Variants in TBC1D10C observed in about 807,000 individuals in gnomAD.
TBC1D10C encodes the protein TBC1 domain family member 10C.
TBC1D10C carries 49 observed loss-of-function variants against 51.0 expected under a neutral mutation model. The observed-to-expected ratio is 0.96, with a 90% confidence interval of 0.76 to 1.22. TBC1D10C has a LOEUF of 1.22. TBC1D10C is among the 50% of genes most tolerant of loss of function. The probability of loss-of-function intolerance (pLI) is 0.00; values close to 1 mark genes in which losing one functional copy is unlikely to be tolerated. For missense variants in TBC1D10C, 541 were observed against 617.5 expected, an observed-to-expected ratio of 0.88 and a Z score of 1.31; for synonymous variants, 281 against 266.7, an observed-to-expected ratio of 1.05 and a Z score of -0.52.
chr11:67,404,301 A>G lies in TBC1D10C; in HGVS notation c.99A>G (p.Pro33=), dbSNP rs1565125329. 5 of 1,600,546 alleles carry G rather than the reference A, an allele frequency of 3.1e-6. No homozygotes were observed. The highest frequency in any genetic ancestry group is 4.3e-6 in the Non-Finnish European group (5 of 1,170,798). Residue 33 remains proline (P), a synonymous_variant, in exon 1 of 9, where the codon CCA becomes CCG. Transcript: ENST00000542590. The part of the protein sequence containing the change: ...GSDSELSGPG[P]YRQADRYGFI... ...ACTCAGAGCTCAGCGGGCCTGGCCC[A>G]TATCGCCAGGCCGACCGCTATGGAT...
chr11:67,405,296 C>T (rs1451361846), intron 2 of TBC1D10C, 103 bp from the exon 3 acceptor site: 28 of 1,500,362 alleles, frequency 1.9e-5, no homozygotes, highest in South Asian at 1.6e-4. Flanking sequence ...GCCTTTGCTC[C>T]CTGCCACCCA....
chr11:67,406,266 CGACTCCT>C (rs926043757), intron 5 of TBC1D10C: 1 of 515,068 alleles, frequency 1.9e-6, no homozygotes, highest in African/African-American at 1.9e-5. Context: ...CTTGACCCCA[CGACTCCT>C]GATTCTGAAC....
intron 7 of TBC1D10C, 166 bp from the exon 8 acceptor site, chr11:67,408,813 A>G: frequency 1.2e-6 from 1 of 858,360 alleles, no homozygotes; most frequent in African/African-American, 1.8e-5. Flanking sequence ...TGGCCAGTAC[A>G]GCGGCCTGTG....
Position 67,409,677 on chromosome 11 carries a change from CG to C in TBC1D10C, c.1267del (p.Ala423ProfsTer131), listed in dbSNP as rs1554985596. 1 of 1,601,282 alleles carries C rather than the reference CG, an allele frequency of 6.2e-7. No individual in the cohort carries two copies. Among genetic ancestry groups the C allele is most frequent in the African/African-American group, 1.3e-5 (1 of 74,756 alleles). ...CAAGACTTTCCATGGGCTCCTGACT[CG>C]GGCCCGGGGCCCCCCCATCGAGGGG... ...RGKTFHGLLT[R>X]ARGPPIEGPP... On this transcript the variant is annotated frameshift_variant, in exon 9 of 9. Transcript: ENST00000542590. LOFTEE classifies it high-confidence loss of function.
intron 7 of TBC1D10C, chr11:67,408,719 G>A (rs1212237790): frequency 9.4e-6 from 4 of 425,330 alleles, no homozygotes; most frequent in East Asian, 4.1e-5. Flanking sequence ...TCATTTTGGC[G>A]GGGGTGGGGA....
At position 67,405,903 on chromosome 11, in the gene TBC1D10C, G is replaced by A; in HGVS notation, c.468G>A (p.Gly156=). ...CCCCTTATGGGGTCTTCCGGCACAG[G>A]CAGCAGGGGCTCCTGCAGGTGCTCA... is the stretch of plus-strand genomic sequence containing the variant. ...HEMFVSPQGH[G]QQGLLQVLKA... is the part of the protein sequence containing the mutation. Residue 156 remains glycine, a splice_region_variant and synonymous_variant, in exon 5 of 9, where the codon GGG becomes GGA. Coordinates refer to ENST00000542590, the MANE Select transcript of TBC1D10C (RefSeq NM_001369496.1). 1 of 1,588,268 alleles carries A rather than the reference G, an allele frequency of 6.3e-7. No individual in the cohort carries two copies. Among genetic ancestry groups the A allele is most frequent in the Non-Finnish European group, 8.6e-7 (1 of 1,168,186 alleles).
In TBC1D10C at chr11:67,405,969, G is replaced by C; in HGVS notation, c.534G>C (p.Gln178His). 6.2e-7 allele frequency: 1 copy of C among 1,605,868 alleles called. No homozygotes were observed. Among genetic ancestry groups the C allele is most frequent in the Admixed American group, 1.7e-5 (1 of 58,102 alleles). ...ATCGACCGGAGCAGGGCTACTGCCA[G>C]GCCCAGGGGCCCGTGGCTGCTGTGC... ...TLYRPEQGYC[Q>H]AQGPVAAVLL... Residue 178 changes from glutamine (Q) to histidine (H), a missense_variant, in exon 5 of 9, where the codon CAG (glutamine) becomes CAC (histidine). Coordinates refer to ENST00000542590, the MANE Select transcript of TBC1D10C (RefSeq NM_001369496.1).
rs749190788 is a variant in TBC1D10C, at chr11:67,407,017, G to A, written c.838+1G>A. On this transcript the variant is annotated splice_donor_variant, in intron 7 of 8. Coordinates refer to ENST00000542590, the MANE Select transcript of TBC1D10C (RefSeq NM_001369496.1). LOFTEE classifies it high-confidence loss of function. ...GTCTGGGATGCCTTCCTCAGTGAGG[G>A]TGAGTGGGGCAGCCAGTGGCTGGGG... 5 of 1,609,138 alleles carry A rather than the reference G, an allele frequency of 3.1e-6. No homozygotes were observed. Among genetic ancestry groups the A allele is most frequent in the Middle Eastern group, 1.8e-4 (1 of 5,670 alleles).
chr11:67,404,523 C>T (rs1165324956), intron 1 of TBC1D10C, among the ~76,000 whole-genome samples, 169 bp downstream of exon 1: 4 of 152,032 alleles, frequency 2.6e-5, no homozygotes, highest in South Asian at 2.1e-4. Context: ...GGGAAGGGTC[C>T]GGGGAGGCCT....
chr11:67,409,685 G>A lies in TBC1D10C; in HGVS notation c.1272G>A (p.Arg424=). ...TCCATGGGCTCCTGACTCGGGCCCG[G>A]GGCCCCCCCATCGAGGGGCCCCCCA... The part of the protein sequence containing the change: ...KTFHGLLTRA[R]GPPIEGPPRP... Residue 424 remains arginine, a synonymous_variant, in exon 9 of 9, where the codon CGG becomes CGA. Coordinates refer to ENST00000542590, the MANE Select transcript of TBC1D10C (RefSeq NM_001369496.1). 1 of 1,597,790 alleles carries A rather than the reference G, an allele frequency of 6.3e-7. No homozygotes were observed. Among genetic ancestry groups the A allele is most frequent in the Non-Finnish European group, 8.5e-7 (1 of 1,177,870 alleles).
At chr11:67,404,437 G>A in intron 1 of TBC1D10C, 83 bp downstream of exon 1, 1 of 1,406,148 alleles carries the variant, frequency 7.1e-7, no homozygotes, top group South Asian at 1.4e-5. Context: ...GAGGCCGGGA[G>A]GGTCTGGTGG....
rs945543187 is a variant in TBC1D10C at position 67,409,375 on chromosome 11, C to T, written c.994-32C>T. 20 of 1,535,876 alleles carry T rather than the reference C, an allele frequency of 1.3e-5. No homozygotes were observed. In the Admixed American group the frequency reaches 2.4e-4, roughly 18 times the overall value. The stretch of plus-strand genomic sequence containing the variant: ...CAGTTTCCTGTTCCTGCCTTGAGGC[C>T]GGGCAAACGCAGCACCAACTGCTCC... On this transcript the variant is annotated intron_variant, in intron 8 of 8. Coordinates refer to ENST00000542590, the MANE Select transcript of TBC1D10C (RefSeq NM_001369496.1).
intron 7 of TBC1D10C, 114 bp downstream of exon 7, chr11:67,407,130 A>G: frequency 8.1e-7 from 1 of 1,235,220 alleles, no homozygotes; most frequent in Non-Finnish European, 1.1e-6. Flanking sequence ...GGGTGTGCCG[A>G]AGGTGATGGC....
chr11:67,404,472 C>A, intron 1 of TBC1D10C, 118 bp downstream of exon 1: 1 of 1,102,690 alleles, frequency 9.1e-7, no homozygotes, highest in Non-Finnish European at 1.2e-6. Context: ...GGGACTCAGC[C>A]AGTAGCACCC....
chr11:67,406,604 C>T, intron 5 of TBC1D10C, 23 bp from the exon 6 acceptor site: 1 of 1,552,968 alleles, frequency 6.4e-7, no homozygotes. Context: ...CACTTACAGG[C>T]CTGTGCCCTG....
intron 7 of TBC1D10C, chr11:67,407,384 T>G: frequency 4.3e-6 from 1 of 234,608 alleles, no homozygotes; most frequent in Admixed American, 5.2e-5. Context: ...AGACCTTCAA[T>G]TCTGGCGGGG....
chr11:67,404,034 C>G (rs577713216), upstream of TBC1D10C: 11 of 787,932 alleles, frequency 1.4e-5, no homozygotes, highest in Non-Finnish European at 1.3e-5. Context: ...TCTGTCAGGG[C>G]AGGGCCTAGC....
Position 67,404,170 on chromosome 11 carries a change from T to C in TBC1D10C, c.-33T>C. On this transcript the variant is annotated 5_prime_UTR_variant, in exon 1 of 9. Coordinates refer to ENST00000542590, the MANE Select transcript of TBC1D10C (RefSeq NM_001369496.1). ...CCCCTCACACTGGTTCTCCCCACTT[T>C]CTCTGCCTGTGGCATCGAAGGCCCC... 1 of 1,469,696 alleles carries C rather than the reference T, an allele frequency of 6.8e-7. No homozygotes were observed. 91.0% of individuals were successfully genotyped at this position (1,469,696 alleles called of 1,614,324 possible).
intron 1 of TBC1D10C, 80 bp from the exon 2 acceptor site, chr11:67,405,005 C>A: frequency 7.4e-7 from 1 of 1,357,418 alleles, no homozygotes; most frequent in Non-Finnish European, 1.0e-6. Context: ...CTGGGTTCAC[C>A]TGGGTAGCCT....
Sources: gnomAD v4.1 joint callset for allele counts (sites outside exome capture counted in the v4.1 genomes callset) on GRCh38, gnomAD v4.1.1 for gene constraint, MANE v1.5 for transcripts, NCBI Gene and HGNC (gene_info 2026-07-23, HGNC 2026-07-21) for gene names.